TUSC3: variants seen among roughly 807,000 people sequenced by gnomAD.
The protein encoded by TUSC3 is dolichyl-diphosphooligosaccharide--protein glycosyltransferase subunit TUSC3.
TUSC3 carries 45 observed loss-of-function variants against 44.8 expected under a neutral mutation model. The observed-to-expected ratio is 1.00, with a 90% confidence interval of 0.79 to 1.29. The LOEUF (loss-of-function observed/expected upper bound fraction) is 1.29, where lower values mean the gene tolerates loss of function less well. Among genes scored for constraint, TUSC3 ranks in the 50% most tolerant of loss-of-function variants. The pLI is 0.00. For synonymous variants in TUSC3, 212 were observed against 152.9 expected, an observed-to-expected ratio of 1.39 and a Z score of -2.85; for missense variants, 519 against 437.9, an observed-to-expected ratio of 1.19 and a Z score of -1.65.
intron 1 of TUSC3, among the ~76,000 whole-genome samples, chr8:15,481,701 A>G (rs902446468): frequency 6.6e-6 from 1 of 152,182 alleles, no homozygotes; most frequent in Non-Finnish European, 1.5e-5. Context: ...TGGCTGAAAA[A>G]CAATGTACAT....
intron 1 of TUSC3, among the ~76,000 whole-genome samples, chr8:15,560,182 CT>C (rs2129139649): frequency 7.0e-6 from 1 of 143,842 alleles, no homozygotes; most frequent in East Asian, 2.1e-4. Flanking sequence ...TTCAGGAGCT[CT>C]TTTAGGGCAG....
intron 1 of TUSC3, among the ~76,000 whole-genome samples, chr8:15,555,441 C>T (rs1300407016): frequency 6.6e-6 from 1 of 150,692 alleles, no homozygotes; most frequent in Non-Finnish European, 1.5e-5. Context: ...GGACCACAGG[C>T]ACTTGCCACC....
At chr8:15,705,521 A>G (rs1473395950) in intron 6 of TUSC3, among the ~76,000 whole-genome samples, 4 of 152,054 alleles carry the variant, frequency 2.6e-5, no homozygotes, top group East Asian at 3.9e-4. Context: ...TATATAACCA[A>G]TTTTGGTGGG....
At chr8:15,720,400 T>C (rs1476720950) in intron 6 of TUSC3, among the ~76,000 whole-genome samples, 1 of 152,094 alleles carries the variant, frequency 6.6e-6, no homozygotes, top group African/African-American at 2.4e-5. Flanking sequence ...CACTCATTAT[T>C]AGTTAAACCC....
intron 3 of TUSC3, among the ~76,000 whole-genome samples, 183 bp from the exon 4 acceptor site, chr8:15,659,324 T>A (rs1008164816): frequency 6.6e-6 from 1 of 152,120 alleles, no homozygotes; most frequent in Admixed American, 6.5e-5. Flanking sequence ...TTAGTCAGAT[T>A]TACATGTTCT....
At chr8:15,538,838 T>A (rs1045001739), upstream of TUSC3, among the ~76,000 whole-genome samples, 1 of 151,506 alleles carries the variant, frequency 6.6e-6, no homozygotes, top group East Asian at 1.9e-4. Flanking sequence ...ATTATATATA[T>A]AATATTTTTA....
intron 2 of TUSC3, among the ~76,000 whole-genome samples, chr8:15,529,500 A>G (rs1239296438): frequency 2.0e-5 from 3 of 152,214 alleles, no homozygotes; most frequent in Admixed American, 2.0e-4. Flanking sequence ...TAATTGAATG[A>G]AATGTATCGT....
At chr8:15,496,195 A>G (rs546423452) in intron 2 of TUSC3, among the ~76,000 whole-genome samples, 2 of 152,282 alleles carry the variant, frequency 1.3e-5, no homozygotes, top group African/African-American at 4.8e-5. Flanking sequence ...CTGTAGCACA[A>G]AATCATCTGC....
At chr8:15,621,308 C>G (rs2129163450) in intron 1 of TUSC3, among the ~76,000 whole-genome samples, 1 of 151,374 alleles carries the variant, frequency 6.6e-6, no homozygotes, top group East Asian at 1.9e-4. Flanking sequence ...TTCTGTAAGG[C>G]AAAAACTATT....
chr8:15,640,112 C>T (rs766427517), intron 2 of TUSC3, among the ~76,000 whole-genome samples: 5 of 152,124 alleles, frequency 3.3e-5, no homozygotes, highest in Non-Finnish European at 7.4e-5. Context: ...GAACTGTTTA[C>T]AAACAATGTG....
In TUSC3 at chr8:15,730,809, A is replaced by G. The variant is rs568779786; in HGVS notation, c.862+80A>G. The stretch of plus-strand genomic sequence containing the variant: ...TTAAATTGACATTTTTCCTGGCAGT[A>G]AATATCAAGACTTTTAAGAGACATT... On this transcript the variant is annotated intron_variant, in intron 7 of 10. Transcript: ENST00000503731. 2.3e-5 allele frequency: 32 copies of G among 1,365,610 alleles called. No homozygotes were observed. The African/African-American group carries it at 4.6e-4, about 20-fold the overall frequency. The allele number at this position is 1,365,610 out of a possible 1,614,324, so 84.6% of individuals were successfully genotyped here.
At chr8:15,546,276 G>C (rs1219500548) in intron 1 of TUSC3, among the ~76,000 whole-genome samples, 1 of 151,712 alleles carries the variant, frequency 6.6e-6, no homozygotes, top group Non-Finnish European at 1.5e-5. Context: ...TTTTCTCATT[G>C]CTGTTTTATG....
At chr8:15,581,693 G>C (rs1276435214) in intron 1 of TUSC3, among the ~76,000 whole-genome samples, 1 of 144,988 alleles carries the variant, frequency 6.9e-6, no homozygotes, top group Non-Finnish European at 1.5e-5. Context: ...CTCCAGCTGC[G>C]TGCTGGGAGA....
the TUSC3 span, among the ~76,000 whole-genome samples, chr8:15,809,630 A>G: frequency 8.1e-4 from 123 of 152,336 alleles, no homozygotes; most frequent in Non-Finnish European, 1.3e-3. Flanking sequence ...ATAAAACAGA[A>G]TAATTATAAC....
intron 1 of TUSC3, among the ~76,000 whole-genome samples, chr8:15,455,133 C>G (rs1800238518): frequency 6.6e-6 from 1 of 152,100 alleles, no homozygotes; most frequent in South Asian, 2.1e-4. Flanking sequence ...TTGCTTATCC[C>G]TACCATTGCA....
At chr8:15,800,984 G>T in the TUSC3 span, among the ~76,000 whole-genome samples, 4,895 of 152,200 alleles carry the variant, frequency 0.032, 235 homozygotes, top group African/African-American at 0.11. Context: ...CACTATTTTA[G>T]CTGTTACAAG....
chr8:15,553,222 A>G (rs1802117916), intron 1 of TUSC3, among the ~76,000 whole-genome samples: 1 of 151,814 alleles, frequency 6.6e-6, no homozygotes, highest in Admixed American at 6.6e-5. Flanking sequence ...ATGATAAAAT[A>G]GACTTGAAAA....
At chr8:15,512,900 C>T (rs575298956) in intron 2 of TUSC3, among the ~76,000 whole-genome samples, 11 of 104,790 alleles carry the variant, frequency 1.0e-4, no homozygotes, top group Admixed American at 3.3e-4. Context: ...ACAATTCTCT[C>T]GGTGTATATA....
chr8:15,490,542 G>A (rs1352662000), intron 2 of TUSC3, among the ~76,000 whole-genome samples: 4 of 152,180 alleles, frequency 2.6e-5, no homozygotes, highest in Non-Finnish European at 4.4e-5. Context: ...CAGCACTGAA[G>A]GAGAACAGCA....
Sources: allele counts gnomAD v4.1 joint callset (sites outside exome capture counted in the v4.1 genomes callset), GRCh38; gene constraint gnomAD v4.1.1; transcripts MANE v1.5; gene names NCBI Gene and HGNC (gene_info 2026-07-23, HGNC 2026-07-21).